The following DHRSX variants were observed in gnomAD, a reference collection of about 807,000 sequenced individuals.
DHRSX encodes dehydrogenase/reductase X-linked, also known as polyprenol dehydrogenase.
DHRSX carries 31 observed loss-of-function variants against 34.0 expected under a neutral mutation model. That is an observed-to-expected ratio of 0.91 (90% CI 0.69 to 1.23). The LOEUF is 1.23. DHRSX is among the 50% of genes most tolerant of loss of function. The pLI is 0.00. For missense variants in DHRSX, 414 were observed against 428.1 expected (o/e 0.97, Z 0.29); for synonymous variants, 201 against 183.8 (o/e 1.09, Z -0.76).
intron 1 of DHRSX, chrX:2,490,394 G>A (rs141429301): frequency 6.8e-5 from 109 of 1,613,730 alleles, no homozygotes; most frequent in African/African-American, 1.1e-4. Flanking sequence ...GACGGCCAGC[G>A]CGTCCTGCCC....
chrX:2,233,273 C>T (rs1293933039), intron 6 of DHRSX, among the ~76,000 whole-genome samples: 40 of 152,122 alleles, frequency 2.6e-4, no homozygotes, highest in African/African-American at 9.2e-4. Flanking sequence ...TTGGTGACGC[C>T]TTGTGCAGGG....
intron 2 of DHRSX, 123 bp downstream of exon 2, chrX:2,425,074 A>G: frequency 2.8e-6 from 2 of 709,982 alleles, no homozygotes; most frequent in South Asian, 3.5e-5. Flanking sequence ...CAGGAGGTGG[A>G]GGCTGCAGTG....
chrX:2,323,125 A>G (rs1399617989), intron 3 of DHRSX, among the ~76,000 whole-genome samples: 1 of 152,104 alleles, frequency 6.6e-6, no homozygotes, highest in Non-Finnish European at 1.5e-5. Flanking sequence ...CAACAGCCAG[A>G]GCTGACTAAG....
In DHRSX at chrX:2,349,899, C is replaced by G. The variant is rs919545333; in HGVS notation, c.287-58296G>C. Among the ~76,000 whole-genome samples, 81 of 142,182 alleles carry G rather than the reference C, an allele frequency of 5.7e-4. 1 individual carries two copies. Among genetic ancestry groups the G allele is most frequent in the Non-Finnish European group, 1.1e-4 (7 of 62,356 alleles). 93.3% of individuals were successfully genotyped at this position (142,182 alleles called of 152,430 possible). ...TAAAAATACAAAAAAATTAGCCAGGCGTGGTGGCAGGCGCCTGCAGTCCCA... is the reference window on the plus strand; with the variant it reads ...TAAAAATACAAAAAAATTAGCCAGGGGTGGTGGCAGGCGCCTGCAGTCCCA... On this transcript the variant is annotated intron_variant, in intron 3 of 6. Transcript: ENST00000334651.
intron 3 of DHRSX, among the ~76,000 whole-genome samples, chrX:2,362,875 TATG>T (rs1473546762): frequency 1.6e-5 from 2 of 121,452 alleles, no homozygotes; most frequent in East Asian, 2.2e-4. Context: ...ATCACCGTTC[TATG>T]ATATCATGCC....
chrX:2,474,606 A>C (rs779954849), intron 1 of DHRSX, among the ~76,000 whole-genome samples: 14 of 151,750 alleles, frequency 9.2e-5, no homozygotes, highest in Admixed American at 2.6e-4. Context: ...CTTGTGGCTA[A>C]GGGACGGCGG....
chrX:2,331,912 C>CA (rs1569490149), intron 3 of DHRSX, among the ~76,000 whole-genome samples: 1 of 152,088 alleles, frequency 6.6e-6, no homozygotes, highest in Non-Finnish European at 1.5e-5. Flanking sequence ...CCTCAGCAAC[C>CA]ACCACCCTGA....
At chrX:2,435,655 C>CACATGCTGGGACACAT (rs2043982500) in intron 1 of DHRSX, among the ~76,000 whole-genome samples, 4 of 152,028 alleles carry the variant, frequency 2.6e-5, no homozygotes, top group Admixed American at 2.6e-4. Context: ...GTCCCAGGTA[C>CACATGCTGGGACACAT]GTGGGAGGCT....
intron 5 of DHRSX, among the ~76,000 whole-genome samples, chrX:2,243,636 G>A (rs1335272761): frequency 4.0e-5 from 6 of 151,554 alleles, no homozygotes; most frequent in African/African-American, 9.7e-5. Flanking sequence ...ACAGGTGCCC[G>A]CCACCACACC....
chrX:2,466,785 A>C (rs2044503151), intron 1 of DHRSX, among the ~76,000 whole-genome samples: 1 of 151,994 alleles, frequency 6.6e-6, no homozygotes, highest in African/African-American at 2.4e-5. Flanking sequence ...AAAGTGAAAA[A>C]AGTAGGCTGG....
intron 5 of DHRSX, among the ~76,000 whole-genome samples, chrX:2,247,336 T>TAC (rs1163342986): frequency 6.6e-6 from 1 of 151,038 alleles, no homozygotes; most frequent in African/African-American, 2.5e-5. Context: ...ATATTACAAT[T>TAC]ACAGAGCAGA....
intron 3 of DHRSX, among the ~76,000 whole-genome samples, chrX:2,317,409 G>A (rs1349071252): frequency 4.0e-5 from 6 of 151,472 alleles, no homozygotes; most frequent in Non-Finnish European, 5.9e-5. Context: ...GCAACGCCAC[G>A]CCCTGCTATT....
In DHRSX at chrX:2,375,244, G is replaced by T. The variant is rs2043126352; in HGVS notation, c.286+33501C>A. Among the ~76,000 whole-genome samples the T allele has an allele frequency of 1.4e-5, 2 of 138,378 alleles. 1 individual carries two copies. Among genetic ancestry groups the T allele is most frequent in the South Asian group, 4.5e-4 (2 of 4,402 alleles). The allele number at this position is 138,378 out of a possible 152,430, so 90.8% of individuals were successfully genotyped here. ...AGGTGGGAATACGCCCTCCCAGTCA[G>T]CAGGTGCGTTCTCAAATCTCCAGCG... On this transcript the variant is annotated intron_variant, in intron 3 of 6. Coordinates refer to ENST00000334651, the MANE Select transcript of DHRSX (RefSeq NM_145177.3).
chrX:2,434,311 C>A (rs1344780465), intron 1 of DHRSX, among the ~76,000 whole-genome samples: 1 of 152,118 alleles, frequency 6.6e-6, no homozygotes, highest in African/African-American at 2.4e-5. Context: ...AGTTTACATA[C>A]TCAGTTCAAA....
chrX:2,452,822 A>T (rs7879729), intron 1 of DHRSX, among the ~76,000 whole-genome samples: 1 of 152,046 alleles, frequency 6.6e-6, no homozygotes, highest in Non-Finnish European at 1.5e-5. Context: ...AAGACGTTCC[A>T]AAGGTCCAGT....
chrX:2,415,648 C>T (rs1450143566), intron 2 of DHRSX, among the ~76,000 whole-genome samples: 5 of 151,276 alleles, frequency 3.3e-5, no homozygotes, highest in Middle Eastern at 3.2e-3. Context: ...TCATCATGAC[C>T]TAACCCAACT....
rs752131209 is a variant in DHRSX, at chrX:2,451,179, G to C, written c.110-25875C>G. 4.6e-5 allele frequency among the ~76,000 whole-genome samples: 7 copies of C among 151,388 alleles called. No individual in the cohort carries two copies. The East Asian group carries it at 1.4e-3, about 29-fold the overall frequency. On this transcript the variant is annotated intron_variant, in intron 1 of 6. Transcript: ENST00000334651. ...ACCCGGGAGGCGGAGGGTGCAGTGAGCTGAGATCACAGCACTGCACTCCAG... is the reference window on the plus strand; with the variant it reads ...ACCCGGGAGGCGGAGGGTGCAGTGACCTGAGATCACAGCACTGCACTCCAG...
intron 6 of DHRSX, among the ~76,000 whole-genome samples, chrX:2,223,106 G>C (rs940812550): frequency 2.3e-4 from 35 of 152,146 alleles, no homozygotes; most frequent in Non-Finnish European, 3.8e-4. Context: ...TTTGGAGGCT[G>C]ATACGGTTTG....
At chrX:2,432,903 G>A (rs763986522) in intron 1 of DHRSX, among the ~76,000 whole-genome samples, 4 of 152,076 alleles carry the variant, frequency 2.6e-5, no homozygotes, top group East Asian at 1.9e-4. Flanking sequence ...TGGGGGTATC[G>A]CTTGAGGCCA....
Sources: allele counts gnomAD v4.1 joint callset (sites outside exome capture counted in the v4.1 genomes callset), GRCh38; gene constraint gnomAD v4.1.1; transcripts MANE v1.5; gene names NCBI Gene and HGNC (gene_info 2026-07-23, HGNC 2026-07-21).